The following LRGUK variants were observed in gnomAD, a reference collection of about 807,000 sequenced individuals.
LRGUK encodes the protein leucine-rich repeat and guanylate kinase domain-containing protein.
A neutral mutation model predicts 76.0 loss-of-function variants in LRGUK; 65 were observed. That is an observed-to-expected ratio of 0.85 (90% confidence interval 0.70 to 1.05). LRGUK has a LOEUF of 1.05. LRGUK is among the 50% of genes least tolerant of loss of function. The probability of loss-of-function intolerance (pLI) is 0.00; values close to 1 mark genes in which losing one functional copy is unlikely to be tolerated. For missense variants in LRGUK, 758 were observed against 732.8 expected (o/e 1.03, Z -0.40); for synonymous variants, 268 against 265.6 (o/e 1.01, Z -0.09).
intron 5 of LRGUK, among the ~76,000 whole-genome samples, chr7:134,153,150 C>G (rs1009685355): frequency 1.3e-5 from 2 of 151,666 alleles, no homozygotes; most frequent in Non-Finnish European, 2.9e-5. Context: ...TAACCCAGCT[C>G]TATGTAAAAA....
At chr7:134,151,195 T>C (rs943698090) in intron 5 of LRGUK, among the ~76,000 whole-genome samples, 13 of 152,262 alleles carry the variant, frequency 8.5e-5, no homozygotes, top group Middle Eastern at 3.4e-3. Context: ...TAAATTAATC[T>C]CTTGAGGAGA....
At chr7:134,276,231 A>G in the LRGUK span, among the ~76,000 whole-genome samples, 1 of 152,248 alleles carries the variant, frequency 6.6e-6, no homozygotes, top group African/African-American at 2.4e-5. Context: ...AATGTCGACT[A>G]TAGAATACGA....
In LRGUK at chr7:134,249,006, GA is replaced by G; in HGVS notation, c.2130del (p.Glu710AspfsTer32). 1 of 1,602,230 alleles carries G rather than the reference GA, an allele frequency of 6.2e-7. No homozygotes were observed. The highest frequency in any genetic ancestry group is 1.3e-5 in the African/African-American group (1 of 74,586). ...TCTACACTATTATACAACTTTAGAA[GA>G]ACTCTGGAAAAGTTTTGATCTTTGT... is the stretch of plus-strand genomic sequence containing the variant. On this transcript the variant is annotated frameshift_variant, in exon 18 of 20. Transcript: ENST00000285928. LOFTEE classifies it high-confidence loss of function.
At chr7:134,228,114 G>A (rs1001502816) in intron 16 of LRGUK, among the ~76,000 whole-genome samples, 8 of 152,038 alleles carry the variant, frequency 5.3e-5, no homozygotes, top group African/African-American at 1.9e-4. Context: ...GCAGTCATAG[G>A]GGATAAAATT....
rs114318251 is a variant in LRGUK at position 134,165,848 on chromosome 7, C to T, written c.939+2308C>T. Among the ~76,000 whole-genome samples the T allele has an allele frequency of 2.7e-3, 413 of 152,196 alleles. 3 individuals are homozygous for T. The highest frequency in any genetic ancestry group is 9.2e-3 in the African/African-American group (381 of 41,530). Reference sequence around the variant, plus strand: ...TTCTCTTCCATTTCAAGAGGCTTTTCAAATTGTATTTGACAAACTTTAAAG... The same window carrying T: ...TTCTCTTCCATTTCAAGAGGCTTTTTAAATTGTATTTGACAAACTTTAAAG... On this transcript the variant is annotated intron_variant, in intron 7 of 15. Transcript: ENST00000645682.
chr7:134,247,427 T>C (rs1337146190), intron 16 of LRGUK, 129 bp from the exon 17 acceptor site: 2 of 570,616 alleles, frequency 3.5e-6, no homozygotes, highest in Admixed American at 3.4e-5. Context: ...AATTGTTTTT[T>C]ATGCCTTTTC....
At chr7:134,225,125 GA>G (rs769671717) in intron 16 of LRGUK, among the ~76,000 whole-genome samples, 11,573 of 60,986 alleles carry the variant, frequency 0.19, 556 homozygotes, top group East Asian at 0.38. Context: ...AACAGAACTG[GA>G]AAAAAAAAAA....
At chr7:134,225,759 G>A (rs921373423) in intron 16 of LRGUK, among the ~76,000 whole-genome samples, 8 of 152,158 alleles carry the variant, frequency 5.3e-5, no homozygotes, top group Non-Finnish European at 1.0e-4. Flanking sequence ...TCACATTTTA[G>A]GAGATCTCAT....
At chr7:134,175,319 T>G (rs1044561951) in intron 8 of LRGUK, among the ~76,000 whole-genome samples, 8 of 152,190 alleles carry the variant, frequency 5.3e-5, no homozygotes, top group African/African-American at 1.9e-4. Flanking sequence ...CTCTTGACTT[T>G]GCATGTAGCT....
chr7:134,241,402 A>G (rs1289131359), intron 16 of LRGUK, among the ~76,000 whole-genome samples: 3 of 152,310 alleles, frequency 2.0e-5, no homozygotes, highest in South Asian at 2.1e-4. Context: ...AGGGGTTGCA[A>G]TCCTAGTCTC....
At chr7:134,247,451 C>T (rs1290300335) in intron 16 of LRGUK, 105 bp from the exon 17 acceptor site, 2 of 704,824 alleles carry the variant, frequency 2.8e-6, no homozygotes, top group African/African-American at 1.8e-5. Flanking sequence ...CTTTTTCTTC[C>T]CACATATTTG....
intron 5 of LRGUK, among the ~76,000 whole-genome samples, chr7:134,150,117 T>C (rs1798145276): frequency 6.6e-6 from 1 of 151,650 alleles, no homozygotes; most frequent in Admixed American, 6.6e-5. Flanking sequence ...CTACTAAAAA[T>C]ACAAAAAATT....
At chr7:134,245,132 A>G (rs1802264713) in intron 16 of LRGUK, among the ~76,000 whole-genome samples, 1 of 152,156 alleles carries the variant, frequency 6.6e-6, no homozygotes, top group South Asian at 2.1e-4. Context: ...ACATGTATAC[A>G]TATGTAACAA....
At chr7:134,137,705 T>C (rs1423006581) in intron 2 of LRGUK, among the ~76,000 whole-genome samples, 1 of 152,236 alleles carries the variant, frequency 6.6e-6, no homozygotes, top group East Asian at 1.9e-4. Flanking sequence ...AAAGAGAGGC[T>C]GTAAGAGCAA....
intron 16 of LRGUK, among the ~76,000 whole-genome samples, chr7:134,245,269 G>T (rs1398267502): frequency 6.6e-6 from 1 of 152,128 alleles, no homozygotes; most frequent in African/African-American, 2.4e-5. Context: ...ACTGGAATGG[G>T]AACAACCCCT....
rs372391814 is a variant in LRGUK at position 134,258,194 on chromosome 7, G to C, written c.2199-63G>C. On this transcript the variant is annotated intron_variant, in intron 18 of 19. Coordinates refer to the LRGUK transcript ENST00000285928. ...CCCAGTGAAGTCATAGGCATAGATCGTGTGGCCATTAGTAGCGAATAGTTT... is the reference window on the plus strand; with the variant it reads ...CCCAGTGAAGTCATAGGCATAGATCCTGTGGCCATTAGTAGCGAATAGTTT... 5.0e-6 allele frequency: 8 copies of C among 1,598,792 alleles called. No homozygotes were observed. In the East Asian group the frequency reaches 1.1e-4, roughly 22 times the overall value.
intron 5 of LRGUK, among the ~76,000 whole-genome samples, chr7:134,156,678 T>C (rs996668615): frequency 6.6e-6 from 1 of 152,106 alleles, no homozygotes; most frequent in Non-Finnish European, 1.5e-5. Context: ...GATGGCAGAG[T>C]GAGGAATCTG....
At chr7:134,222,049 G>A in intron 16 of LRGUK, 131 bp downstream of exon 16, 1 of 845,788 alleles carries the variant, frequency 1.2e-6, no homozygotes. Context: ...CTGAAGACAG[G>A]ATTTTGACTC....
At chr7:134,208,466 T>C (rs1005367507) in intron 15 of LRGUK, among the ~76,000 whole-genome samples, 4 of 152,200 alleles carry the variant, frequency 2.6e-5, no homozygotes, top group Non-Finnish European at 5.9e-5. Flanking sequence ...AAACCTCTTA[T>C]GTTTATTCAT....
Sources: allele counts gnomAD v4.1 joint callset (sites outside exome capture counted in the v4.1 genomes callset), GRCh38; gene constraint gnomAD v4.1.1; transcripts MANE v1.5; gene names NCBI Gene and HGNC (gene_info 2026-07-23, HGNC 2026-07-21).